Variants in CHUK observed in about 807,000 individuals in gnomAD.
CHUK encodes inhibitor of nuclear factor kappa-B kinase subunit alpha.
A neutral mutation model predicts 104.8 loss-of-function variants in CHUK; 35 were observed. The ratio of observed to expected loss-of-function variants is 0.33; its 90% CI spans 0.26 to 0.44. The LOEUF (loss-of-function observed/expected upper bound fraction) is 0.44. Ranked by LOEUF, CHUK falls within the 20% of genes least tolerant of loss-of-function variation. The pLI is 1.00. For missense variants in CHUK, 663 were observed against 902.7 expected, an observed-to-expected ratio of 0.73 and a Z score of 3.40; for synonymous variants, 276 against 291.9, an observed-to-expected ratio of 0.95 and a Z score of 0.56.
chr10:100,229,457 A>C lies in CHUK; in HGVS notation c.76T>G (p.Phe26Val), dbSNP rs1846185385. 1.9e-6 allele frequency: 3 copies of C among 1,599,120 alleles called. No homozygotes were observed. The highest frequency in any genetic ancestry group is 8.5e-7 in the Non-Finnish European group (1 of 1,176,638). The change falls in exon 1 of 21, where the codon TTC becomes GTC. Residue 26 changes from phenylalanine (F) to valine (V), a missense_variant. By Grantham distance (50) the Phe-to-Val change is conservative (BLOSUM62 -1). This residue lies in a region of CHUK where 44 missense variants were observed against 39.2 expected (regional missense o/e 1.12). Coordinates refer to ENST00000370397, the MANE Select transcript of CHUK (RefSeq NM_001278.5). ...EMRERLGTGG[F>V]GNVCLYQHRE... ...TGCTGGTACAGACAGACGTTCCCGA[A>C]GCCGCCGGTGCCCAGCCGCTCCCGC...
At chr10:100,200,921 A>G in intron 14 of CHUK, 141 bp from the exon 15 acceptor site, 1 of 684,212 alleles carries the variant, frequency 1.5e-6, no homozygotes, top group Non-Finnish European at 2.7e-6. Flanking sequence ...TGATTTTGTT[A>G]AAGCCTTTCT....
intron 16 of CHUK, 134 bp from the exon 17 acceptor site, chr10:100,194,655 T>C: frequency 1.6e-6 from 1 of 619,052 alleles, no homozygotes. Context: ...AAATTAAAAA[T>C]TGGGTTAAGA....
chr10:100,197,390 T>C (rs1204291953), intron 16 of CHUK, among the ~76,000 whole-genome samples: 2 of 152,152 alleles, frequency 1.3e-5, no homozygotes, highest in African/African-American at 2.4e-5. Flanking sequence ...ACCTCTCTTC[T>C]TTCCTGAGCA....
At chr10:100,214,868 C>T (rs1845814784) in intron 9 of CHUK, among the ~76,000 whole-genome samples, 1 of 152,110 alleles carries the variant, frequency 6.6e-6, no homozygotes. Flanking sequence ...GAAGAGTCAA[C>T]ACATCCAAAG....
chr10:100,224,084 T>TCA (rs1172065258), intron 2 of CHUK, among the ~76,000 whole-genome samples: 1 of 122,750 alleles, frequency 8.1e-6, no homozygotes, highest in African/African-American at 3.1e-5. Flanking sequence ...GCTCGCTCGT[T>TCA]CACTCTCTCT....
At chr10:100,218,955 T>C in intron 7 of CHUK, 53 bp downstream of exon 7, 1 of 1,604,700 alleles carries the variant, frequency 6.2e-7, no homozygotes, top group Non-Finnish European at 8.5e-7. Context: ...AAAAGACAAA[T>C]GAAAAAATTT....
chr10:100,222,530 A>C (rs1406885582), intron 3 of CHUK, among the ~76,000 whole-genome samples: 1 of 152,202 alleles, frequency 6.6e-6, no homozygotes, highest in African/African-American at 2.4e-5. Context: ...TTTTCATCTA[A>C]CACCATTGCT....
At chr10:100,214,208 A>C (rs1445767536) in intron 9 of CHUK, among the ~76,000 whole-genome samples, 2 of 152,106 alleles carry the variant, frequency 1.3e-5, no homozygotes, top group Non-Finnish European at 2.9e-5. Flanking sequence ...ATACAACCTA[A>C]ATTTATCTTT....
chr10:100,186,895 T>G (rs1282373558), downstream of CHUK: 3 of 151,122 alleles, frequency 2.0e-5, no homozygotes, highest in African/African-American at 7.3e-5. Context: ...GCGGACGGGG[T>G]GGGGGTGTGT....
At chr10:100,201,981 T>C in intron 14 of CHUK, 107 bp downstream of exon 14, 1 of 864,968 alleles carries the variant, frequency 1.2e-6, no homozygotes, top group South Asian at 1.4e-5. Context: ...TTTGTCTGAA[T>C]TTCAGGAATG....
intron 8 of CHUK, among the ~76,000 whole-genome samples, chr10:100,218,352 C>T (rs2274176): frequency 3.9e-5 from 6 of 152,282 alleles, no homozygotes; most frequent in African/African-American, 7.2e-5. Context: ...ACAACTCTGA[C>T]GGATGAGTCC....
intron 19 of CHUK, chr10:100,192,995 TAGCTAATAATAAGCAACATTTG>T (rs1290437210): frequency 2.6e-6 from 1 of 380,972 alleles, no homozygotes; most frequent in African/African-American, 2.1e-5. Flanking sequence ...AACTTGGACT[TAGCTAATAATAAGCAACATTTG>T]AGCTAATAAT....
intron 6 of CHUK, 40 bp from the exon 7 acceptor site, chr10:100,219,172 G>A (rs561710903): frequency 6.2e-6 from 10 of 1,607,472 alleles, no homozygotes; most frequent in Non-Finnish European, 8.5e-6. Context: ...ACACTGTATG[G>A]GAAAAGCTAC....
intron 17 of CHUK, 97 bp downstream of exon 17, chr10:100,194,327 TG>T: frequency 9.2e-7 from 1 of 1,086,830 alleles, no homozygotes; most frequent in Non-Finnish European, 1.4e-6. Flanking sequence ...GAATTCTTCC[TG>T]GGTAAGTATA....
chr10:100,205,803 C>T (rs1845575801), intron 11 of CHUK, among the ~76,000 whole-genome samples: 1 of 152,132 alleles, frequency 6.6e-6, no homozygotes, highest in Non-Finnish European at 1.5e-5. Flanking sequence ...TGGTGTGCAC[C>T]TATAATCCCA....
intron 9 of CHUK, among the ~76,000 whole-genome samples, chr10:100,210,314 C>T (rs992735055): frequency 8.6e-5 from 13 of 151,734 alleles, no homozygotes; most frequent in African/African-American, 3.1e-4. Flanking sequence ...GTCTCGATCT[C>T]CTGACCTCGT....
chr10:100,207,434 G>T (rs753371027), intron 10 of CHUK, 102 bp from the exon 11 acceptor site: 3 of 690,112 alleles, frequency 4.3e-6, no homozygotes, highest in Non-Finnish European at 7.8e-6. Flanking sequence ...AAATGCAAAT[G>T]AACAAAATCA....
rs1247274475 is a variant in CHUK at position 100,189,099 on chromosome 10, G to A, written c.*499C>T. On this transcript the variant is annotated 3_prime_UTR_variant, in exon 21 of 21. Transcript: ENST00000370397. ...GAACCTGTTCAGTGCAACACAAGGAGGTAGAATTTATTCTTCAAGAAATAG... is the reference window on the plus strand; with the variant it reads ...GAACCTGTTCAGTGCAACACAAGGAAGTAGAATTTATTCTTCAAGAAATAG... The A allele has an allele frequency of 6.3e-6, 1 of 157,722 alleles. No homozygotes were observed. Among genetic ancestry groups the A allele is most frequent in the African/African-American group, 2.4e-5 (1 of 41,472 alleles). The allele number at this position is 157,722 out of a possible 1,614,324, so 9.8% of individuals were successfully genotyped here.
chr10:100,191,467 G>A (rs1013578939), intron 19 of CHUK, among the ~76,000 whole-genome samples: 1 of 152,226 alleles, frequency 6.6e-6, no homozygotes, highest in Non-Finnish European at 1.5e-5. Flanking sequence ...AACTACAGAT[G>A]ATAGCAATGA....
Sources: allele counts gnomAD v4.1 joint callset (sites outside exome capture counted in the v4.1 genomes callset), GRCh38; gene constraint gnomAD v4.1.1; regional missense constraint gnomAD v4.1.1; transcripts MANE v1.5; gene names NCBI Gene and HGNC (gene_info 2026-07-23, HGNC 2026-07-21).